The following SYT1 variants were observed in gnomAD, a reference collection of about 807,000 sequenced individuals.
SYT1 encodes the protein synaptotagmin 1, also known as synaptotagmin-1.
In SYT1, 8 loss-of-function variants were observed where a neutral mutation model predicts 44.8. The ratio of observed to expected loss-of-function variants is 0.18; its 90% CI spans 0.10 to 0.32. SYT1 has a LOEUF of 0.32. SYT1 is among the 10% of genes least tolerant of loss of function. SYT1 has a pLI of 1.00. For synonymous variants in SYT1, 154 were observed against 188.8 expected (o/e 0.82, Z 1.51); for missense variants, 286 against 509.3 (o/e 0.56, Z 4.22).
chr12:79,417,734 C>G (rs1009772759), intron 9 of SYT1, among the ~76,000 whole-genome samples: 1 of 152,106 alleles, frequency 6.6e-6, no homozygotes, highest in Non-Finnish European at 1.5e-5. Context: ...TGCATTCACA[C>G]AGGGGAGGTT....
chr12:79,401,750 G>A (rs1383711900), intron 9 of SYT1, among the ~76,000 whole-genome samples: 1 of 150,422 alleles, frequency 6.6e-6, no homozygotes. Flanking sequence ...GCTCACTGTA[G>A]CCTCTAACTC....
chr12:79,429,493 A>G (rs1193244572), intron 9 of SYT1, among the ~76,000 whole-genome samples: 1 of 151,882 alleles, frequency 6.6e-6, no homozygotes, highest in Non-Finnish European at 1.5e-5. Context: ...ACAGACCACT[A>G]TGCCCAGCCT....
chr12:79,211,277 T>C (rs1208089813), intron 3 of SYT1, among the ~76,000 whole-genome samples: 1 of 152,202 alleles, frequency 6.6e-6, no homozygotes, highest in Non-Finnish European at 1.5e-5. Flanking sequence ...TATAACATCA[T>C]TTTATAGATC....
chr12:79,210,461 A>G (rs1874371684), intron 3 of SYT1, among the ~76,000 whole-genome samples: 1 of 152,154 alleles, frequency 6.6e-6, no homozygotes, highest in Admixed American at 6.5e-5. Context: ...TTACATCCTC[A>G]TAGCTTAGCT....
Position 78,978,352 on chromosome 12 carries a change from C to T in SYT1, c.-84+421C>T, listed in dbSNP as rs528049429. Among the ~76,000 whole-genome samples, 28 of 152,212 alleles carry T rather than the reference C, an allele frequency of 1.8e-4. No individual in the cohort carries two copies. The South Asian group carries it at 4.2e-3, about 23-fold the overall frequency. ...CTGCTGCACAGATGATATTTTAGCA[C>T]GAGTATTGGGTGAGGGGTTAGAGGG... On this transcript the variant is annotated intron_variant, in intron 2 of 10. Transcript: ENST00000261205.
intron 1 of SYT1, among the ~76,000 whole-genome samples, chr12:78,931,300 AAGGAAGGAGAGGGAGG>A (rs1877690935): frequency 1.4e-5 from 1 of 72,476 alleles, no homozygotes; most frequent in African/African-American, 5.0e-5. Context: ...GGAAGGAAGG[AAGGAAGGAGAGGGAGG>A]GAGGGAGGGA....
At position 79,090,215 on chromosome 12, in the gene SYT1, TA is replaced by T. The variant is rs1197206376; in HGVS notation, c.-18+42858del. Among the ~76,000 whole-genome samples, 4 of 152,176 alleles carry T rather than the reference TA, an allele frequency of 2.6e-5. No homozygotes were observed. The East Asian group carries it at 7.7e-4, about 29-fold the overall frequency. ...TTTTATTGTAGTAAAACTATCCCAT[TA>T]AAAAGTTTTTAAGATGTGGAGAATA... On this transcript the variant is annotated intron_variant, in intron 3 of 10. Coordinates refer to ENST00000261205, the MANE Select transcript of SYT1 (RefSeq NM_005639.3).
intron 8 of SYT1, among the ~76,000 whole-genome samples, chr12:79,342,578 A>G (rs908617993): frequency 6.6e-6 from 1 of 152,224 alleles, no homozygotes; most frequent in African/African-American, 2.4e-5. Context: ...AATTTCAGGA[A>G]ACCAATTAAG....
chr12:79,434,096 C>A (rs1298543436), intron 9 of SYT1, among the ~76,000 whole-genome samples: 1 of 152,178 alleles, frequency 6.6e-6, no homozygotes, highest in Non-Finnish European at 1.5e-5. Flanking sequence ...TTCATAATAA[C>A]AACAGTTTGC....
intron 5 of SYT1, 52 bp downstream of exon 5, chr12:79,286,023 A>G (rs762062976): frequency 9.9e-5 from 153 of 1,543,858 alleles, no homozygotes; most frequent in Non-Finnish European, 1.3e-4. Context: ...AAGATAAACA[A>G]ATGTATTATT....
intron 1 of SYT1, among the ~76,000 whole-genome samples, chr12:78,912,187 A>G (rs1453469615): frequency 6.6e-6 from 1 of 151,896 alleles, no homozygotes; most frequent in Non-Finnish European, 1.5e-5. Context: ...TTATTCATAT[A>G]TTTTTACCCC....
intron 3 of SYT1, among the ~76,000 whole-genome samples, chr12:79,169,711 T>G (rs1196851199): frequency 6.6e-6 from 1 of 151,972 alleles, no homozygotes; most frequent in Non-Finnish European, 1.5e-5. Context: ...TTTTTTAACT[T>G]TTAAATTTAG....
At chr12:79,216,153 A>G (rs772502589) in intron 3 of SYT1, among the ~76,000 whole-genome samples, 59 of 151,022 alleles carry the variant, frequency 3.9e-4, no homozygotes, top group Non-Finnish European at 1.3e-4. Flanking sequence ...CTGGTCTCGA[A>G]CTCCTGACCT....
chr12:79,179,002 ATATAG>A, intron 3 of SYT1, among the ~76,000 whole-genome samples: 4 of 42,720 alleles, frequency 9.4e-5, no homozygotes, highest in Admixed American at 3.2e-4. Flanking sequence ...ATAGATATAG[ATATAG>A]ATATATAGAT....
rs373656005 is a variant in SYT1, at chr12:78,998,917, G to A, written c.-84+20986G>A. Among the ~76,000 whole-genome samples, 18 of 152,286 alleles carry A rather than the reference G, an allele frequency of 1.2e-4. No homozygotes were observed. The South Asian group carries it at 1.2e-3, about 11-fold the overall frequency. On this transcript the variant is annotated intron_variant, in intron 2 of 10. Transcript: ENST00000261205. ...AGTGGAAATTTGGTCAATATCTTGA[G>A]TTTCCGTATTGACAGAAATTTTCAT... is the stretch of plus-strand genomic sequence containing the variant.
At chr12:79,006,298 G>T (rs1871077058) in intron 2 of SYT1, among the ~76,000 whole-genome samples, 2 of 152,128 alleles carry the variant, frequency 1.3e-5, no homozygotes, top group Admixed American at 6.6e-5. Context: ...GGAATGCTTG[G>T]TTAAGACTAG....
chr12:79,155,975 A>T (rs369417714), intron 3 of SYT1, among the ~76,000 whole-genome samples: 3 of 152,236 alleles, frequency 2.0e-5, no homozygotes, highest in Non-Finnish European at 2.9e-5. Context: ...TTACTAAATC[A>T]TGTACTCAGT....
At chr12:78,876,955 A>AT (rs1463852272) in intron 1 of SYT1, among the ~76,000 whole-genome samples, 1 of 75,086 alleles carries the variant, frequency 1.3e-5, no homozygotes, top group Non-Finnish European at 2.8e-5. Flanking sequence ...GTGTATTTTG[A>AT]TTTTTTAAAT....
At chr12:79,298,562 A>C (rs1212987536) in intron 7 of SYT1, among the ~76,000 whole-genome samples, 1 of 152,160 alleles carries the variant, frequency 6.6e-6, no homozygotes, top group Non-Finnish European at 1.5e-5. Flanking sequence ...ACAATTTCTT[A>C]ATTAGGTATT....
Sources: allele counts gnomAD v4.1 joint callset (sites outside exome capture counted in the v4.1 genomes callset), GRCh38; gene constraint gnomAD v4.1.1; transcripts MANE v1.5; gene names NCBI Gene and HGNC (gene_info 2026-07-23, HGNC 2026-07-21).